ADCK1: variants seen among roughly 807,000 people sequenced by gnomAD.
ADCK1 encodes the protein aarF domain containing kinase 1, also known as aarF domain-containing protein kinase 1.
A neutral mutation model predicts 52.3 loss-of-function variants in ADCK1; 41 were observed. The ratio of observed to expected loss-of-function variants is 0.78; its 90% confidence interval spans 0.61 to 1.02. ADCK1 has a LOEUF of 1.02. Ranked by LOEUF, ADCK1 falls within the 50% of genes least tolerant of loss-of-function variation. The pLI is 0.00. For synonymous variants in ADCK1, 250 were observed against 274.6 expected, an observed-to-expected ratio of 0.91 and a Z score of 0.89; for missense variants, 658 against 679.5, an observed-to-expected ratio of 0.97 and a Z score of 0.35.
chr14:77,844,565 G>A (rs756535866), intron 3 of ADCK1, among the ~76,000 whole-genome samples: 1 of 152,162 alleles, frequency 6.6e-6, no homozygotes, highest in African/African-American at 2.4e-5. Flanking sequence ...GGCCCCGTCA[G>A]GTCCACCAAG....
intron 3 of ADCK1, among the ~76,000 whole-genome samples, chr14:77,845,509 A>ATC (rs1414269448): frequency 6.6e-6 from 1 of 151,850 alleles, no homozygotes; most frequent in Admixed American, 6.6e-5. Context: ...TGCAACCTCC[A>ATC]TCTCCCGGGT....
chr14:77,915,774 G>A (rs991128366), intron 7 of ADCK1, among the ~76,000 whole-genome samples: 6 of 152,198 alleles, frequency 3.9e-5, no homozygotes, highest in African/African-American at 1.2e-4. Flanking sequence ...GTGAGTAACT[G>A]TGTTGTTGTG....
intron 3 of ADCK1, among the ~76,000 whole-genome samples, chr14:77,849,308 A>G (rs2082235728): frequency 1.3e-5 from 2 of 152,178 alleles, no homozygotes; most frequent in Non-Finnish European, 2.9e-5. Context: ...TCTTGGCCTC[A>G]AGCAATCCTC....
Position 77,910,190 on chromosome 14 carries a change from G to T in ADCK1, c.858+2271G>T, listed in dbSNP as rs566596942. Among the ~76,000 whole-genome samples the T allele has an allele frequency of 3.3e-5, 5 of 152,260 alleles. No homozygotes were observed. The South Asian group carries it at 1.0e-3, about 32-fold the overall frequency. Reference sequence around the variant, plus strand: ...CAGATACCACTCTGTTTTACCCAGGGCAGCTTTGCCAATGCGTGAGCTGCC... The same window carrying T: ...CAGATACCACTCTGTTTTACCCAGGTCAGCTTTGCCAATGCGTGAGCTGCC... On this transcript the variant is annotated intron_variant, in intron 7 of 10. Coordinates refer to ENST00000238561, the MANE Select transcript of ADCK1 (RefSeq NM_020421.4).
At chr14:77,909,059 G>A (rs2083731478) in intron 7 of ADCK1, among the ~76,000 whole-genome samples, 1 of 151,848 alleles carries the variant, frequency 6.6e-6, no homozygotes, top group African/African-American at 2.4e-5. Flanking sequence ...GTTTTGGGGA[G>A]TGCAGCAACA....
At chr14:77,857,987 G>T (rs1178710419) in intron 3 of ADCK1, among the ~76,000 whole-genome samples, 1 of 152,162 alleles carries the variant, frequency 6.6e-6, no homozygotes, top group Non-Finnish European at 1.5e-5. Context: ...GGGCAGGGGG[G>T]ATGACTGTGG....
Position 77,894,736 on chromosome 14 carries a change from G to GTTTTTTTTTTTTTTTTTTTTTTTT in ADCK1, c.583-4359_583-4336dup. 4.1e-4 allele frequency among the ~76,000 whole-genome samples: 15 copies of GTTTTTTTTTTTTTTTTTTTTTTTT among 36,478 alleles called. 2 individuals carry two copies. Among genetic ancestry groups the GTTTTTTTTTTTTTTTTTTTTTTTT allele is most frequent in the South Asian group, 1.7e-3 (1 of 606 alleles). 23.9% of individuals were successfully genotyped at this position (36,478 alleles called of 152,430 possible). On this transcript the variant is annotated intron_variant, in intron 5 of 10. Transcript: ENST00000238561. ...TTATTTCTTTTTCTTTTCTTTTCTT[G>GTTTTTTTTTTTTTTTTTTTTTTTT]TTTTTTTTTTTTTTTTTTTTTTTTT...
intron 3 of ADCK1, among the ~76,000 whole-genome samples, chr14:77,823,107 G>A (rs557063213): frequency 3.3e-5 from 5 of 152,280 alleles, no homozygotes; most frequent in South Asian, 2.1e-4. Flanking sequence ...ACTCTCTGTC[G>A]TCACTTGGAA....
At position 77,934,522 on chromosome 14, in the gene ADCK1, G is replaced by A. The variant is rs991577114; in HGVS notation, c.*1131G>A. ...CCTTAGTCCTCTTGCTGAAACCTCC[G>A]TCACTGTGGCTGGGTTTTCACTGGG... On this transcript the variant is annotated 3_prime_UTR_variant, in exon 11 of 11. Transcript: ENST00000238561. The A allele has an allele frequency of 2.6e-5, 4 of 152,102 alleles. No individual in the cohort carries two copies. Among genetic ancestry groups the A allele is most frequent in the South Asian group, 2.1e-4 (1 of 4,820 alleles). 9.4% of individuals were successfully genotyped at this position (152,102 alleles called of 1,614,324 possible).
At chr14:77,806,706 T>TAA (rs1255714710) in intron 1 of ADCK1, among the ~76,000 whole-genome samples, 2 of 152,198 alleles carry the variant, frequency 1.3e-5, no homozygotes, top group Non-Finnish European at 2.9e-5. Flanking sequence ...GTCCAGGTTA[T>TAA]TCCCACCAAG....
intron 4 of ADCK1, among the ~76,000 whole-genome samples, chr14:77,883,710 G>A (rs1475376464): frequency 6.6e-6 from 1 of 152,124 alleles, no homozygotes; most frequent in African/African-American, 2.4e-5. Flanking sequence ...GAGGTGGTGG[G>A]GTGGGGTGTC....
chr14:77,829,391 C>T (rs2081791897), intron 3 of ADCK1, among the ~76,000 whole-genome samples: 1 of 150,568 alleles, frequency 6.6e-6, no homozygotes, highest in African/African-American at 2.4e-5. Flanking sequence ...AACTCCTGGG[C>T]TTAAGCTATC....
At chr14:77,859,360 A>C (rs576143697) in intron 4 of ADCK1, 81 bp downstream of exon 4, 1 of 1,404,982 alleles carries the variant, frequency 7.1e-7, no homozygotes, top group Non-Finnish European at 9.6e-7. Context: ...AGCCTCGACC[A>C]GGGTGCTGGG....
intron 7 of ADCK1, among the ~76,000 whole-genome samples, chr14:77,921,400 T>A (rs912981794): frequency 6.7e-6 from 1 of 149,030 alleles, no homozygotes; most frequent in Non-Finnish European, 1.5e-5. Flanking sequence ...GTGCGTCTTA[T>A]AGTGTGTAAA....
intron 9 of ADCK1, among the ~76,000 whole-genome samples, chr14:77,928,185 G>A (rs1237168741): frequency 6.6e-6 from 1 of 152,078 alleles, no homozygotes; most frequent in Non-Finnish European, 1.5e-5. Context: ...TAGCTTTTTG[G>A]GATGAGTTTT....
At chr14:77,814,695 CAAAAAAAAAAAAAAA>C (rs995163952) in intron 1 of ADCK1, among the ~76,000 whole-genome samples, 1 of 35,922 alleles carries the variant, frequency 2.8e-5, no homozygotes, top group Non-Finnish European at 5.5e-5. Flanking sequence ...AAGACACTCT[CAAAAAAAAAAAAAAA>C]AAAAAAAAAG....
intron 7 of ADCK1, chr14:77,914,467 C>T: frequency 2.0e-6 from 2 of 985,312 alleles, no homozygotes; most frequent in Non-Finnish European, 2.4e-6. Flanking sequence ...CATTTGCTTT[C>T]AGCAAATGAT....
At chr14:77,889,900 A>AAAC (rs1209354227) in intron 5 of ADCK1, among the ~76,000 whole-genome samples, 3 of 151,582 alleles carry the variant, frequency 2.0e-5, no homozygotes, top group South Asian at 2.1e-4. Flanking sequence ...AAAAAAAAAA[A>AAAC]AAAACAGAAG....
chr14:77,925,994 AAATGCAG>A, intron 9 of ADCK1, 33 bp downstream of exon 9: 1 of 1,611,874 alleles, frequency 6.2e-7, no homozygotes, highest in South Asian at 1.1e-5. Context: ...GCCTCTTCCT[AAATGCAG>A]AAGGCAGGGC....
Sources: gnomAD v4.1 joint callset for allele counts (sites outside exome capture counted in the v4.1 genomes callset) on GRCh38, gnomAD v4.1.1 for gene constraint, MANE v1.5 for transcripts, NCBI Gene and HGNC (gene_info 2026-07-23, HGNC 2026-07-21) for gene names.